CACNB4: variants seen among roughly 807,000 people sequenced by gnomAD.
CACNB4 encodes voltage-dependent L-type calcium channel subunit beta-4.
Under a neutral mutation model 71.2 loss-of-function variants are expected in CACNB4, and 32 were observed. The observed-to-expected ratio is 0.45, with a 90% CI of 0.34 to 0.60. The LOEUF is 0.60. CACNB4 is among the 20% of genes least tolerant of loss of function. The probability of loss-of-function intolerance (pLI) is 0.01; values close to 1 mark genes in which losing one functional copy is unlikely to be tolerated. For missense variants in CACNB4, 464 were observed against 647.9 expected (o/e 0.72, Z 3.08); for synonymous variants, 231 against 236.9 (o/e 0.97, Z 0.23).
chr2:151,944,769 G>A (rs1044864594), intron 2 of CACNB4, among the ~76,000 whole-genome samples: 1 of 152,204 alleles, frequency 6.6e-6, no homozygotes, highest in African/African-American at 2.4e-5. Flanking sequence ...TCCAGGCTGG[G>A]TGACAGAGCA....
At chr2:152,062,668 A>C (rs1686084928) in intron 2 of CACNB4, among the ~76,000 whole-genome samples, 1 of 152,122 alleles carries the variant, frequency 6.6e-6, no homozygotes. Flanking sequence ...CTCTCTTTCC[A>C]CCAGCTTTGG....
At chr2:151,927,212 G>T (rs962070665) in intron 2 of CACNB4, among the ~76,000 whole-genome samples, 1 of 152,186 alleles carries the variant, frequency 6.6e-6, no homozygotes, top group African/African-American at 2.4e-5. Flanking sequence ...AGAAATAAGA[G>T]AATATTTGTA....
rs1430702956 is a variant in CACNB4, at chr2:152,098,392, G to T, written c.85C>A (p.Arg29=). The part of the protein sequence containing the change: ...TSQVARGTTT[R]RSRLKRSDGS... The stretch of plus-strand genomic sequence containing the variant: ...TCGGATCTTTTCAACCTGCTCCTCC[G>T]GGTTGTGGTGCCTCGGGCCACCTGG... Residue 29 remains arginine (R), a synonymous_variant, in exon 2 of 14, where the codon CGG becomes AGG. Transcript: ENST00000539935. This position sits in a 1 kb window ranked among gnomAD's most constrained non-coding sequence, Gnocchi z 5.3. 14 of 1,613,486 alleles carry T rather than the reference G, an allele frequency of 8.7e-6. No homozygotes were observed. The highest frequency in any genetic ancestry group is 1.2e-5 in the Non-Finnish European group (14 of 1,179,490).
At chr2:151,858,237 A>C (rs960379082) in intron 10 of CACNB4, 12 of 152,300 alleles carry the variant, frequency 7.9e-5, no homozygotes, top group African/African-American at 2.9e-4. Flanking sequence ...ACACTTCTAT[A>C]AACTGACCAT....
chr2:151,869,383 G>T, intron 8 of CACNB4, 148 bp from the exon 9 acceptor site: 1 of 578,878 alleles, frequency 1.7e-6, no homozygotes. Flanking sequence ...ACCATGGAAG[G>T]TGTTTTTCAT....
chr2:151,929,234 C>CAA (rs397728952), intron 2 of CACNB4, among the ~76,000 whole-genome samples: 12,486 of 142,408 alleles, frequency 0.088, 1,408 homozygotes, highest in East Asian at 0.54. Flanking sequence ...CTGTAACTTC[C>CAA]AAAAAAAAAA....
rs1688371567 is a variant in CACNB4, at chr2:152,098,100, A to T, written c.147+230T>A. 6.6e-6 allele frequency among the ~76,000 whole-genome samples: 1 copy of T among 152,222 alleles called. No individual in the cohort carries two copies. The highest frequency in any genetic ancestry group is 1.9e-4 in the East Asian group (1 of 5,196). ...CAGGTCCCCACCGAACTGTCCACAC[A>T]CATGCACAAACTAACTTCCCGGGGC... On this transcript the variant is annotated intron_variant, in intron 2 of 13. Coordinates refer to ENST00000539935, the MANE Select transcript of CACNB4 (RefSeq NM_000726.5). The surrounding 1 kb of genome is among the most constrained non-coding windows in gnomAD (Gnocchi z 5.3).
Position 152,098,317 on chromosome 2 carries a change from C to T in CACNB4, c.147+13G>A, listed in dbSNP as rs557705317. 1.2e-5 allele frequency: 20 copies of T among 1,608,722 alleles called. No homozygotes were observed. The East Asian group carries it at 3.3e-4, about 27-fold the overall frequency. ...CCTCCTCCCCATCCTGGTCTCCCGCCTCCTTCTCATACCTGTCTGAGGATG... is the reference window on the plus strand; with the variant it reads ...CCTCCTCCCCATCCTGGTCTCCCGCTTCCTTCTCATACCTGTCTGAGGATG... On this transcript the variant is annotated intron_variant, in intron 2 of 13. Transcript: ENST00000539935. This position sits in a 1 kb window ranked among gnomAD's most constrained non-coding sequence, Gnocchi z 5.3.
chr2:151,909,866 A>G (rs969193471), intron 2 of CACNB4, among the ~76,000 whole-genome samples: 3 of 152,210 alleles, frequency 2.0e-5, no homozygotes, highest in African/African-American at 7.2e-5. Flanking sequence ...TGCAATAAAC[A>G]TACATGTGCA....
chr2:152,097,438 G>C (rs1228399856), intron 2 of CACNB4, among the ~76,000 whole-genome samples: 3 of 152,132 alleles, frequency 2.0e-5, no homozygotes, highest in Non-Finnish European at 4.4e-5. Flanking sequence ...TGTCTTCCTA[G>C]GTCACCCGAA....
chr2:151,913,765 CAA>C (rs35438699), intron 2 of CACNB4, among the ~76,000 whole-genome samples: 3 of 120,470 alleles, frequency 2.5e-5, no homozygotes, highest in African/African-American at 3.2e-5. Flanking sequence ...GACTCCATCT[CAA>C]AAAAAAAAAA....
chr2:151,968,632 A>G (rs2099871752), intron 2 of CACNB4: 1 of 152,184 alleles, frequency 6.6e-6, no homozygotes, highest in Non-Finnish European at 1.5e-5. Flanking sequence ...GGTAATGGGA[A>G]GCCTCCCCAC....
rs200464838 is a variant in CACNB4 at position 151,841,993 on chromosome 2, T to C, written c.1212A>G (p.Thr404=). 2.7e-5 allele frequency: 44 copies of C among 1,613,820 alleles called. No individual in the cohort carries two copies. The East Asian group carries it at 9.6e-4, about 35-fold the overall frequency. The stretch of plus-strand genomic sequence containing the variant: ...GCGGGGTCATGGGTGTGCTACTGGT[T>C]GTGTGGGTGGCACGCCAGTACGCCT... ...YLEAYWRATH[T]TSSTPMTPLL... is the part of the protein sequence containing the mutation. The change falls in exon 13 of 14, where the codon ACA becomes ACG. Residue 404 remains threonine, a synonymous_variant. Coordinates refer to ENST00000539935, the MANE Select transcript of CACNB4 (RefSeq NM_000726.5).
At chr2:152,020,916 C>T (rs763220107) in intron 2 of CACNB4, among the ~76,000 whole-genome samples, 15 of 152,106 alleles carry the variant, frequency 9.9e-5, no homozygotes, top group Admixed American at 2.6e-4. Context: ...CCAAAATCAA[C>T]GCTTAAAATA....
At chr2:152,061,225 T>C (rs1223376216) in intron 2 of CACNB4, among the ~76,000 whole-genome samples, 3 of 152,090 alleles carry the variant, frequency 2.0e-5, no homozygotes, top group Admixed American at 1.3e-4. Context: ...GGTAGAAGGA[T>C]TGCTTGAGCC....
chr2:151,982,708 C>A (rs1476730302), intron 2 of CACNB4, among the ~76,000 whole-genome samples: 1 of 151,440 alleles, frequency 6.6e-6, no homozygotes, highest in Non-Finnish European at 1.5e-5. Context: ...CAACTTCCAG[C>A]ATACAGATGA....
At chr2:151,864,937 T>C (rs2099842688) in intron 9 of CACNB4, among the ~76,000 whole-genome samples, 2 of 152,206 alleles carry the variant, frequency 1.3e-5, no homozygotes, top group African/African-American at 4.8e-5. Flanking sequence ...ACCCCTCTCA[T>C]TCCCAGAGTC....
chr2:151,920,831 C>A (rs976703338), intron 2 of CACNB4, among the ~76,000 whole-genome samples: 13 of 152,048 alleles, frequency 8.5e-5, no homozygotes, highest in African/African-American at 2.9e-4. Context: ...GAATCCTTAG[C>A]TTTTGCCATC....
intron 13 of CACNB4, 62 bp downstream of exon 13, chr2:151,841,840 TC>T (rs1180308323): frequency 1.4e-6 from 2 of 1,431,502 alleles, no homozygotes; most frequent in East Asian, 4.6e-5. Context: ...TCCATCCTAA[TC>T]AAGTTCCCAT....
Sources: allele counts gnomAD v4.1 joint callset (sites outside exome capture counted in the v4.1 genomes callset), GRCh38; gene constraint gnomAD v4.1.1; non-coding constraint Gnocchi (gnomAD v3.1); transcripts MANE v1.5; gene names NCBI Gene and HGNC (gene_info 2026-07-23, HGNC 2026-07-21).